The following DPAGT1 variants were observed in gnomAD, a reference collection of about 807,000 sequenced individuals.
DPAGT1 encodes dolichyl-phosphate N-acetylglucosaminephosphotransferase 1.
In DPAGT1, 25 loss-of-function variants were observed where a neutral mutation model predicts 39.3. The ratio of observed to expected loss-of-function variants is 0.64; its 90% CI spans 0.46 to 0.89. The LOEUF (loss-of-function observed/expected upper bound fraction) is 0.89, where lower values mean the gene tolerates loss of function less well. Among genes scored for constraint, DPAGT1 ranks in the 40% least tolerant of loss-of-function variants. The probability of loss-of-function intolerance (pLI) is 0.00; values close to 1 mark genes in which losing one functional copy is unlikely to be tolerated. For synonymous variants in DPAGT1, 193 were observed against 201.4 expected (o/e 0.96, Z 0.36); for missense variants, 381 against 500.6 (o/e 0.76, Z 2.28).
Position 119,096,571 on chromosome 11 carries a change from A to C in DPAGT1, c.*427T>G, listed in dbSNP as rs28990975. 2,620 of 289,840 alleles carry C rather than the reference A, an allele frequency of 9.0e-3. 42 individuals carry two copies. Among genetic ancestry groups the C allele is most frequent in the African/African-American group, 0.036 (1,672 of 45,866 alleles). 18.0% of individuals were successfully genotyped at this position (289,840 alleles called of 1,614,324 possible). Reference sequence around the variant, plus strand: ...GCATGTGGCCCCCTGCTTAGTTCTTACTAATCAGAACACTTAATTTACAAT... The same window carrying C: ...GCATGTGGCCCCCTGCTTAGTTCTTCCTAATCAGAACACTTAATTTACAAT... On this transcript the variant is annotated 3_prime_UTR_variant, in exon 9 of 9. Coordinates refer to ENST00000354202, the MANE Select transcript of DPAGT1 (RefSeq NM_001382.4).
At position 119,097,858 on chromosome 11, in the gene DPAGT1, G is replaced by A; in HGVS notation, c.914C>T (p.Pro305Leu). Residue 305 changes from proline to leucine, a missense_variant, in exon 6 of 9, where the codon CCC becomes CTC. Physicochemically the swap from Pro to Leu is moderately conservative, Grantham distance 98. Coordinates refer to ENST00000354202, the MANE Select transcript of DPAGT1 (RefSeq NM_001382.4). The surrounding 1 kb of genome is among the most constrained non-coding windows in gnomAD (Gnocchi z 4.6). Reference sequence around the variant, plus strand: ...TTTCAAGCCAAAAAGCGGCTACCTGGGTATGCGGTGGCGAGGGCAGGGGAT... The same window carrying A: ...TTTCAAGCCAAAAAGCGGCTACCTGAGTATGCGGTGGCGAGGGCAGGGGAT... ...HIIPCPRHRI[P>L]RLNIKTGKLE... 6.2e-7 allele frequency: 1 copy of A among 1,614,036 alleles called. No individual in the cohort carries two copies. Among genetic ancestry groups the A allele is most frequent in the Non-Finnish European group, 8.5e-7 (1 of 1,179,934 alleles).
downstream of DPAGT1, chr11:119,094,979 G>A (rs754515415): frequency 6.2e-6 from 10 of 1,612,140 alleles, no homozygotes; most frequent in Non-Finnish European, 8.5e-6. Context: ...CTCCTGGGAG[G>A]CCTGGGTGGC....
At chr11:119,094,632 C>G (rs982083699), downstream of DPAGT1, 1 of 206,060 alleles carries the variant, frequency 4.9e-6, no homozygotes, top group East Asian at 1.1e-4. Flanking sequence ...CCGGCCTCCC[C>G]CCGGCAGGCT....
rs766399881 is a variant in DPAGT1, at chr11:119,100,673, C to T, written c.453G>A (p.Val151=). 1.9e-6 allele frequency: 3 copies of T among 1,614,130 alleles called. No homozygotes were observed. In the South Asian group the frequency reaches 3.3e-5, roughly 18 times the overall value. Reference sequence around the variant, plus strand: ...CAAGTATCGGGCGGAAGGGCTTGGGCACCACAATGGTCGTGTTGCCAAAGT... The same window carrying T: ...CAAGTATCGGGCGGAAGGGCTTGGGTACCACAATGGTCGTGTTGCCAAAGT... The part of the protein sequence containing the change: ...FTNFGNTTIV[V]PKPFRPILGL... Residue 151 remains valine, a synonymous_variant, in exon 3 of 9, where the codon GTG becomes GTA. Coordinates refer to ENST00000354202, the MANE Select transcript of DPAGT1 (RefSeq NM_001382.4).
In DPAGT1 at chr11:119,100,396, T is replaced by C. The variant is rs28934876; in HGVS notation, c.509A>G (p.Tyr170Cys). The C allele has an allele frequency of 2.0e-5, 32 of 1,614,044 alleles. No individual in the cohort carries two copies. The highest frequency in any genetic ancestry group is 2.3e-5 in the Non-Finnish European group (27 of 1,180,014). Residue 170 changes from tyrosine to cysteine, a missense_variant, in exon 4 of 9, where the codon TAT becomes TGT. Coordinates refer to ENST00000354202, the MANE Select transcript of DPAGT1 (RefSeq NM_001382.4). ...GLHLDLGILY[Y>C]VYMGLLAVFC... Reference sequence around the variant, plus strand: ...CACTGCCAGCAGCCCCATGTAGACATAGTACAGGATTCCTGCGGGGAGAGA... The same window carrying C: ...CACTGCCAGCAGCCCCATGTAGACACAGTACAGGATTCCTGCGGGGAGAGA...
chr11:119,100,620 G>C lies in DPAGT1; in HGVS notation c.496+10C>G. 6.2e-7 allele frequency: 1 copy of C among 1,613,948 alleles called. No individual in the cohort carries two copies. Among genetic ancestry groups the C allele is most frequent in the Non-Finnish European group, 8.5e-7 (1 of 1,179,978 alleles). Reference sequence around the variant, plus strand: ...GGTGCCATAGGGGCAGCAGTGGTAGGACTACCTACCCAAGTCCAGATGCAG... The same window carrying C: ...GGTGCCATAGGGGCAGCAGTGGTAGCACTACCTACCCAAGTCCAGATGCAG... On this transcript the variant is annotated intron_variant, in intron 3 of 8. Coordinates refer to ENST00000354202, the MANE Select transcript of DPAGT1 (RefSeq NM_001382.4).
chr11:119,096,709 A>C lies in DPAGT1; in HGVS notation c.*289T>G. 2.0e-6 allele frequency: 1 copy of C among 500,000 alleles called. No homozygotes were observed. The highest frequency in any genetic ancestry group is 2.1e-5 in the South Asian group (1 of 46,572). 31.0% of individuals were successfully genotyped at this position (500,000 alleles called of 1,614,324 possible). On this transcript the variant is annotated 3_prime_UTR_variant, in exon 9 of 9. Transcript: ENST00000354202. ...CTGAAATGTGAGTGTGGATAACTGC[A>C]AAAAAAGCTGCTGTATCCCACCCTA...
chr11:119,099,724 T>G (rs1946459689), intron 4 of DPAGT1, among the ~76,000 whole-genome samples: 1 of 136,122 alleles, frequency 7.3e-6, no homozygotes, highest in East Asian at 2.1e-4. Flanking sequence ...GAGGATGCAG[T>G]GAGCTAAGAT....
chr11:119,097,071 GA>G lies in DPAGT1; in HGVS notation c.1162-9del. ...GATGGCACTGCCCAGGATCTGCAAG[GA>G]GAAATGGACTGGAGTAAGAATCACG... On this transcript the variant is annotated splice_polypyrimidine_tract_variant and intron_variant, in intron 8 of 8. Coordinates refer to ENST00000354202, the MANE Select transcript of DPAGT1 (RefSeq NM_001382.4). The surrounding 1 kb of genome is among the most constrained non-coding windows in gnomAD (Gnocchi z 4.6). 1 of 1,614,184 alleles carries G rather than the reference GA, an allele frequency of 6.2e-7. No homozygotes were observed.
downstream of DPAGT1, chr11:119,094,898 G>A: frequency 6.9e-7 from 1 of 1,455,292 alleles, no homozygotes; most frequent in Non-Finnish European, 9.2e-7. Flanking sequence ...GGGCGGTGGT[G>A]GCCCTTAAAA....
At position 119,100,019 on chromosome 11, in the gene DPAGT1, T is replaced by G. The variant is rs145208515; in HGVS notation, c.643+243A>C. Among the ~76,000 whole-genome samples, 460 of 152,326 alleles carry G rather than the reference T, an allele frequency of 3.0e-3. 2 individuals are homozygous for G. Among genetic ancestry groups the G allele is most frequent in the Non-Finnish European group, 4.7e-3 (323 of 68,030 alleles). Reference sequence around the variant, plus strand: ...AACGTTGGGGTTCTGTGAAACTGTTTATATTCAATGGGAGAAGATCATGGC... The same window carrying G: ...AACGTTGGGGTTCTGTGAAACTGTTGATATTCAATGGGAGAAGATCATGGC... On this transcript the variant is annotated intron_variant, in intron 4 of 8. Coordinates refer to ENST00000354202, the MANE Select transcript of DPAGT1 (RefSeq NM_001382.4).
Position 119,097,090 on chromosome 11 carries a change from GA to G in DPAGT1, c.1162-28del. The G allele has an allele frequency of 1.2e-6, 2 of 1,614,232 alleles. No homozygotes were observed. The highest frequency in any genetic ancestry group is 1.7e-6 in the Non-Finnish European group (2 of 1,180,048). On this transcript the variant is annotated intron_variant, in intron 8 of 8. Coordinates refer to ENST00000354202, the MANE Select transcript of DPAGT1 (RefSeq NM_001382.4). This position sits in a 1 kb window ranked among gnomAD's most constrained non-coding sequence, Gnocchi z 4.6. ...TGCAAGGAGAAATGGACTGGAGTAAGAATCACGCAGAAAGGGAGACACGGAG... is the reference window on the plus strand; with the variant it reads ...TGCAAGGAGAAATGGACTGGAGTAAGATCACGCAGAAAGGGAGACACGGAG...
intron 4 of DPAGT1, among the ~76,000 whole-genome samples, chr11:119,099,364 C>T (rs1488886123): frequency 2.2e-5 from 3 of 136,216 alleles, no homozygotes; most frequent in East Asian, 4.3e-4. Flanking sequence ...GCGGAGGTTG[C>T]GGTGAGCCGA....
Position 119,097,413 on chromosome 11 carries a change from C to T in DPAGT1, c.1005+51G>A. The T allele has an allele frequency of 6.2e-7, 1 of 1,612,984 alleles. No individual in the cohort carries two copies. Among genetic ancestry groups the T allele is most frequent in the Non-Finnish European group, 8.5e-7 (1 of 1,178,962 alleles). On this transcript the variant is annotated intron_variant, in intron 7 of 8. Transcript: ENST00000354202. The surrounding 1 kb of genome is among the most constrained non-coding windows in gnomAD (Gnocchi z 4.6). ...TGATGTAGGACTAGGTTCCCCATTCCTCAAGGTCAGGATGGCAGCCTAGGG... is the reference window on the plus strand; with the variant it reads ...TGATGTAGGACTAGGTTCCCCATTCTTCAAGGTCAGGATGGCAGCCTAGGG...
chr11:119,097,632 G>A lies in DPAGT1; in HGVS notation c.918-81C>T, dbSNP rs1029520555. On this transcript the variant is annotated intron_variant, in intron 6 of 8. Transcript: ENST00000354202. This position sits in a 1 kb window ranked among gnomAD's most constrained non-coding sequence, Gnocchi z 4.6. ...GTGGCTAATAGGAAGAGCATTGAAT[G>A]TGGAGTCAACCTGAGATCTATTTCT... The A allele has an allele frequency of 7.2e-6, 11 of 1,532,432 alleles. No individual in the cohort carries two copies. The East Asian group carries it at 1.6e-4, about 22-fold the overall frequency. The allele number at this position is 1,532,432 out of a possible 1,614,324, so 94.9% of individuals were successfully genotyped here. A position where few individuals can be genotyped will look rare whatever the true frequency, so the allele number is the denominator to read the frequency against.
chr11:119,094,863 T>C (rs1225362540), downstream of DPAGT1: 3 of 1,269,724 alleles, frequency 2.4e-6, no homozygotes, highest in African/African-American at 4.6e-5. Context: ...CCCCGCAGTC[T>C]GAAGCGGCTC....
At chr11:119,095,573 C>T (rs574677589), downstream of DPAGT1, 7 of 650,438 alleles carry the variant, frequency 1.1e-5, no homozygotes, top group Admixed American at 3.6e-5. Context: ...TTGCGGTTAA[C>T]CCTTGGGTGT....
chr11:119,101,788 C>T lies in DPAGT1; in HGVS notation c.-133G>A. Reference sequence around the variant, plus strand: ...TCTTCCCACACCAATCTGAGCAAAACCCAGCAACTCTGACTTGAGCCGCCG... The same window carrying T: ...TCTTCCCACACCAATCTGAGCAAAATCCAGCAACTCTGACTTGAGCCGCCG... On this transcript the variant is annotated 5_prime_UTR_variant, in exon 1 of 9. Transcript: ENST00000354202. 3 of 1,547,090 alleles carry T rather than the reference C, an allele frequency of 1.9e-6. No homozygotes were observed. The highest frequency in any genetic ancestry group is 2.6e-6 in the Non-Finnish European group (3 of 1,147,966).
chr11:119,095,106 G>A (rs2134893160), downstream of DPAGT1: 2 of 1,614,026 alleles, frequency 1.2e-6, no homozygotes, highest in South Asian at 1.1e-5. Context: ...CCGCCCAGCA[G>A]CTTGTTGAGC....
Sources: gnomAD v4.1 joint callset for allele counts (sites outside exome capture counted in the v4.1 genomes callset) on GRCh38, gnomAD v4.1.1 for gene constraint, Gnocchi (gnomAD v3.1) non-coding constraint, MANE v1.5 for transcripts, NCBI Gene and HGNC (gene_info 2026-07-23, HGNC 2026-07-21) for gene names.